LRFN5: variants seen among roughly 807,000 people sequenced by gnomAD.
The protein encoded by LRFN5 is leucine rich repeat and fibronectin type III domain containing 5, also known as leucine-rich repeat and fibronectin type-III domain-containing protein 5.
Under a neutral mutation model 45.6 loss-of-function variants are expected in LRFN5, and 24 were observed. The observed-to-expected ratio is 0.53, with a 90% CI of 0.38 to 0.74. The LOEUF (loss-of-function observed/expected upper bound fraction) is 0.74, where lower values mean the gene tolerates loss of function less well. Among genes scored for constraint, LRFN5 ranks in the 30% least tolerant of loss-of-function variants. The pLI is 0.00. For synonymous variants in LRFN5, 340 were observed against 313.8 expected (o/e 1.08, Z -0.88); for missense variants, 776 against 861.5 (o/e 0.90, Z 1.24).
At chr14:41,747,932 T>C (rs1224213661) in intron 1 of LRFN5, among the ~76,000 whole-genome samples, 1 of 151,894 alleles carries the variant, frequency 6.6e-6, no homozygotes, top group Non-Finnish European at 1.5e-5. Flanking sequence ...TTTAGGAAAA[T>C]GCAAATCAAA....
intron 1 of LRFN5, among the ~76,000 whole-genome samples, chr14:41,672,712 G>T (rs1881293260): frequency 6.6e-6 from 1 of 152,042 alleles, no homozygotes; most frequent in African/African-American, 2.4e-5. Flanking sequence ...TTAAATATAG[G>T]AATCCTTACC....
intron 2 of LRFN5, among the ~76,000 whole-genome samples, chr14:41,800,205 A>G (rs1566450505): frequency 6.6e-6 from 1 of 152,022 alleles, no homozygotes; most frequent in African/African-American, 2.4e-5. Flanking sequence ...GCCTTCATTT[A>G]TCTTTAATTG....
chr14:41,824,636 A>C (rs1445150540), intron 2 of LRFN5, among the ~76,000 whole-genome samples: 3 of 152,094 alleles, frequency 2.0e-5, no homozygotes, highest in African/African-American at 7.2e-5. Flanking sequence ...TTTATGGGTA[A>C]AAGCTGTAGC....
chr14:41,839,171 A>G (rs1247885608), intron 2 of LRFN5, among the ~76,000 whole-genome samples: 1 of 152,136 alleles, frequency 6.6e-6, no homozygotes, highest in Non-Finnish European at 1.5e-5. Context: ...TACGATTTAG[A>G]CAGTTCTATT....
intron 1 of LRFN5, among the ~76,000 whole-genome samples, chr14:41,649,285 T>G (rs117856453): frequency 0.011 from 1,734 of 151,216 alleles, 15 homozygotes; most frequent in Non-Finnish European, 0.016. Flanking sequence ...GTATATCAAT[T>G]TAGTTTTTAG....
At chr14:41,712,606 T>A (rs1883331850) in intron 1 of LRFN5, among the ~76,000 whole-genome samples, 1 of 152,164 alleles carries the variant, frequency 6.6e-6, no homozygotes, top group Admixed American at 6.5e-5. Flanking sequence ...TATTTCTTTT[T>A]AAATGAACAG....
chr14:41,695,086 A>G (rs1179613232), intron 1 of LRFN5, among the ~76,000 whole-genome samples: 1 of 151,982 alleles, frequency 6.6e-6, no homozygotes, highest in African/African-American at 2.4e-5. Flanking sequence ...CACAACAACC[A>G]TATTGCTGAT....
At chr14:41,878,573 T>G (rs1890267169) in intron 2 of LRFN5, among the ~76,000 whole-genome samples, 1 of 152,144 alleles carries the variant, frequency 6.6e-6, no homozygotes. Context: ...GACTCTTCTT[T>G]GAACAGAATT....
chr14:41,865,318 G>A (rs1889801933), intron 2 of LRFN5, among the ~76,000 whole-genome samples: 1 of 152,030 alleles, frequency 6.6e-6, no homozygotes, highest in Admixed American at 6.6e-5. Flanking sequence ...AAATGGAATT[G>A]TATTATATGC....
At chr14:41,904,109 C>G in intron 5 of LRFN5, 49 bp from the exon 6 acceptor site, 4 of 1,464,788 alleles carry the variant, frequency 2.7e-6, no homozygotes, top group Non-Finnish European at 3.8e-6. Context: ...TGTTTTCTTT[C>G]TTTCTTCCTT....
At chr14:41,669,991 T>A (rs1881092252) in intron 1 of LRFN5, among the ~76,000 whole-genome samples, 1 of 144,554 alleles carries the variant, frequency 6.9e-6, no homozygotes, top group African/African-American at 2.6e-5. Flanking sequence ...TAGTTAAAAA[T>A]ATAGTTAAAA....
chr14:41,848,945 G>A (rs1482800187), intron 2 of LRFN5, among the ~76,000 whole-genome samples: 1 of 151,970 alleles, frequency 6.6e-6, no homozygotes, highest in African/African-American at 2.4e-5. Context: ...CAGAGTTAAA[G>A]ATTTGGGAAG....
At chr14:41,764,007 C>T (rs1885773667) in intron 1 of LRFN5, among the ~76,000 whole-genome samples, 1 of 151,996 alleles carries the variant, frequency 6.6e-6, no homozygotes, top group South Asian at 2.1e-4. Context: ...TAGGATGTTC[C>T]ATTTCAACAT....
intron 2 of LRFN5, among the ~76,000 whole-genome samples, chr14:41,832,551 A>C (rs1888521179): frequency 6.6e-6 from 1 of 152,170 alleles, no homozygotes; most frequent in Admixed American, 6.5e-5. Flanking sequence ...CAAAATTTTC[A>C]CTAGAGGGTC....
intron 2 of LRFN5, among the ~76,000 whole-genome samples, chr14:41,829,625 T>C (rs1026839226): frequency 3.3e-5 from 5 of 151,886 alleles, no homozygotes; most frequent in Admixed American, 2.6e-4. Flanking sequence ...ACTTCAAATA[T>C]ATCTTTGTTT....
At chr14:41,610,511 G>A (rs193202774) in intron 1 of LRFN5, among the ~76,000 whole-genome samples, 149 of 151,450 alleles carry the variant, frequency 9.8e-4, no homozygotes, top group African/African-American at 3.5e-3. Context: ...TCTCCCACCT[G>A]GTACCCAATA....
intron 2 of LRFN5, among the ~76,000 whole-genome samples, chr14:41,850,418 T>C (rs1396838030): frequency 6.6e-6 from 1 of 151,772 alleles, no homozygotes; most frequent in Non-Finnish European, 1.5e-5. Flanking sequence ...CTAAGAAACA[T>C]AGTCACTTTC....
At chr14:41,719,199 G>T (rs1883612525) in intron 1 of LRFN5, among the ~76,000 whole-genome samples, 1 of 152,044 alleles carries the variant, frequency 6.6e-6, no homozygotes, top group South Asian at 2.1e-4. Flanking sequence ...CTCTCATCCT[G>T]GCTGTGGGTA....
intron 1 of LRFN5, among the ~76,000 whole-genome samples, chr14:41,693,964 G>C (rs1882489655): frequency 6.6e-6 from 1 of 151,840 alleles, no homozygotes; most frequent in South Asian, 2.1e-4. Flanking sequence ...GTTGCTGAGA[G>C]ATTCTTTCAT....
Sources: gnomAD v4.1 joint callset for allele counts (sites outside exome capture counted in the v4.1 genomes callset) on GRCh38, gnomAD v4.1.1 for gene constraint, MANE v1.5 for transcripts, NCBI Gene and HGNC (gene_info 2026-07-23, HGNC 2026-07-21) for gene names.